ABCA13: variants seen among roughly 807,000 people sequenced by gnomAD.
The protein encoded by ABCA13 is ATP binding cassette subfamily A member 13, also known as ATP-binding cassette sub-family A member 13.
ABCA13 carries 476 observed loss-of-function variants against 478.7 expected under a neutral mutation model. The ratio of observed to expected loss-of-function variants is 0.99; its 90% confidence interval spans 0.92 to 1.07. ABCA13 has a LOEUF of 1.07. Among genes scored for constraint, ABCA13 ranks in the 50% least tolerant of loss-of-function variants. The probability of loss-of-function intolerance (pLI) is 0.00; values close to 1 mark genes in which losing one functional copy is unlikely to be tolerated. For missense variants in ABCA13, 6,060 were observed against 5,910.6 expected, an observed-to-expected ratio of 1.03 and a Z score of -0.83; for synonymous variants, 2,252 against 2,158.9, an observed-to-expected ratio of 1.04 and a Z score of -1.20.
chr7:48,199,310 CA>C (rs1798346814), intron 3 of ABCA13, among the ~76,000 whole-genome samples: 1 of 152,106 alleles, frequency 6.6e-6, no homozygotes, highest in South Asian at 2.1e-4. Context: ...TTATAAGAAA[CA>C]AATATTTATT....
At position 48,317,137 on chromosome 7, in the gene ABCA13, T is replaced by C; in HGVS notation, c.9860-20T>C. ...ATCGTGTATCATTAGCAACTTTTTTTTTCTTTCTAATTGCAACAGCACCGT... is the reference window on the plus strand; with the variant it reads ...ATCGTGTATCATTAGCAACTTTTTTCTTCTTTCTAATTGCAACAGCACCGT... On this transcript the variant is annotated intron_variant, in intron 26 of 61. Coordinates refer to ENST00000435803, the MANE Select transcript of ABCA13 (RefSeq NM_152701.5). 1 of 1,597,942 alleles carries C rather than the reference T, an allele frequency of 6.3e-7. No individual in the cohort carries two copies. The highest frequency in any genetic ancestry group is 8.5e-7 in the Non-Finnish European group (1 of 1,175,422).
intron 35 of ABCA13, among the ~76,000 whole-genome samples, chr7:48,384,167 T>TG (rs1814814082): frequency 6.6e-6 from 1 of 152,254 alleles, no homozygotes; most frequent in African/African-American, 2.4e-5. Flanking sequence ...CGACTGAGTG[T>TG]GGTTGCCTGA....
At chr7:48,586,975 G>C (rs1789248237) in intron 56 of ABCA13, among the ~76,000 whole-genome samples, 179 bp from the exon 57 acceptor site, 1 of 152,104 alleles carries the variant, frequency 6.6e-6, no homozygotes. Flanking sequence ...ACTCCCACCT[G>C]TTCACTCTCA....
chr7:48,219,674 T>C (rs1242981250), intron 4 of ABCA13, among the ~76,000 whole-genome samples, 169 bp downstream of exon 4: 1 of 151,974 alleles, frequency 6.6e-6, no homozygotes, highest in Non-Finnish European at 1.5e-5. Flanking sequence ...TTGTGGAGGG[T>C]GGAGCTGGAT....
intron 59 of ABCA13, among the ~76,000 whole-genome samples, chr7:48,625,665 C>T (rs769794464): frequency 2.6e-5 from 4 of 152,206 alleles, no homozygotes; most frequent in Non-Finnish European, 5.9e-5. Context: ...TTCTGATTCT[C>T]ATGCCATTCT....
In ABCA13 at chr7:48,563,477, G is replaced by C. The variant is rs547337601; in HGVS notation, c.14355-16747G>C. On this transcript the variant is annotated intron_variant, in intron 55 of 61. Coordinates refer to ENST00000435803, the MANE Select transcript of ABCA13 (RefSeq NM_152701.5). ...CTCAGCAGAGATGATGAAGGACTCA[G>C]ATAAAGAGATAAGAATGAAGTCACC... Among the ~76,000 whole-genome samples, 3 of 152,228 alleles carry C rather than the reference G, an allele frequency of 2.0e-5. No individual in the cohort carries two copies. In the East Asian group the frequency reaches 5.8e-4, roughly 29 times the overall value.
intron 45 of ABCA13, among the ~76,000 whole-genome samples, chr7:48,480,332 A>G (rs543481805): frequency 1.3e-5 from 2 of 152,216 alleles, no homozygotes; most frequent in Non-Finnish European, 2.9e-5. Flanking sequence ...TGTTTCAGTG[A>G]TTGGCTTTCT....
intron 56 of ABCA13, among the ~76,000 whole-genome samples, chr7:48,581,517 G>T (rs1479089375): frequency 6.6e-6 from 1 of 152,170 alleles, no homozygotes; most frequent in Admixed American, 6.5e-5. Flanking sequence ...GTTTATCTCT[G>T]TCAGCTCCTC....
chr7:48,381,262 A>G (rs1814325506), intron 35 of ABCA13, among the ~76,000 whole-genome samples: 1 of 151,980 alleles, frequency 6.6e-6, no homozygotes, highest in Non-Finnish European at 1.5e-5. Flanking sequence ...ATTTTAAAAC[A>G]CTGTTCCAGA....
chr7:48,624,041 C>T (rs3915483), intron 59 of ABCA13, among the ~76,000 whole-genome samples: 103,595 of 150,834 alleles, frequency 0.69, 35,733 homozygotes, highest in African/African-American at 0.74. Flanking sequence ...CATGAGTTTA[C>T]GTGTGAGCAC....
chr7:48,349,376 T>C (rs1808589132), intron 29 of ABCA13, among the ~76,000 whole-genome samples: 1 of 152,174 alleles, frequency 6.6e-6, no homozygotes, highest in African/African-American at 2.4e-5. Flanking sequence ...CTTCTTGATG[T>C]TGTTTGGCAG....
chr7:48,215,216 T>C (rs1443771388), intron 3 of ABCA13, among the ~76,000 whole-genome samples: 1 of 152,070 alleles, frequency 6.6e-6, no homozygotes, highest in Non-Finnish European at 1.5e-5. Context: ...CATTGTAGGG[T>C]TATTAATTAG....
intron 42 of ABCA13, among the ~76,000 whole-genome samples, chr7:48,443,460 C>G (rs1157273491): frequency 6.6e-6 from 1 of 152,226 alleles, no homozygotes; most frequent in Non-Finnish European, 1.5e-5. Flanking sequence ...TACACCATCC[C>G]TCCTCTGGAA....
At chr7:48,546,787 G>A (rs553736477) in intron 55 of ABCA13, among the ~76,000 whole-genome samples, 2 of 151,622 alleles carry the variant, frequency 1.3e-5, no homozygotes, top group Admixed American at 1.3e-4. Flanking sequence ...ATAAATTACT[G>A]TGCTTCATAT....
chr7:48,443,775 C>T (rs544915127), intron 42 of ABCA13, among the ~76,000 whole-genome samples: 10 of 152,270 alleles, frequency 6.6e-5, no homozygotes, highest in African/African-American at 2.4e-4. Context: ...CTCCTCCTCC[C>T]ACTCCCATTG....
At chr7:48,433,921 T>A (rs1279380304) in intron 42 of ABCA13, among the ~76,000 whole-genome samples, 2 of 152,122 alleles carry the variant, frequency 1.3e-5, no homozygotes, top group East Asian at 3.8e-4. Flanking sequence ...CATTTATCTG[T>A]TGATGGACAT....
chr7:48,624,424 G>A lies in ABCA13; in HGVS notation c.14837+9047G>A, dbSNP rs116602038. ...ACTTGGTAAAAACACTCCTGTCATG[G>A]AAAGGAAATAAAACATGCTTCTGAA... On this transcript the variant is annotated intron_variant, in intron 59 of 61. Coordinates refer to ENST00000435803, the MANE Select transcript of ABCA13 (RefSeq NM_152701.5). 8.0e-3 allele frequency among the ~76,000 whole-genome samples: 1,221 copies of A among 152,194 alleles called. 9 individuals carry two copies. Among genetic ancestry groups the A allele is most frequent in the Middle Eastern group, 0.024 (7 of 294 alleles).
chr7:48,464,713 T>C (rs1826676161), intron 43 of ABCA13, among the ~76,000 whole-genome samples: 1 of 150,698 alleles, frequency 6.6e-6, no homozygotes, highest in Non-Finnish European at 1.5e-5. Context: ...ATGAATTCAG[T>C]GCATTGTTAA....
intron 45 of ABCA13, among the ~76,000 whole-genome samples, chr7:48,479,140 C>T (rs138109959): frequency 0.017 from 2,616 of 151,458 alleles, 79 homozygotes; most frequent in African/African-American, 0.06. Context: ...TTAGTAGTGA[C>T]GGGGTTTCAC....
Sources: allele counts gnomAD v4.1 joint callset (sites outside exome capture counted in the v4.1 genomes callset), GRCh38; gene constraint gnomAD v4.1.1; transcripts MANE v1.5; gene names NCBI Gene and HGNC (gene_info 2026-07-23, HGNC 2026-07-21).